The following ASTN2 variants were observed in gnomAD, a reference collection of about 807,000 sequenced individuals.
ASTN2 encodes the protein astrotactin-2.
Under a neutral mutation model 139.8 loss-of-function variants are expected in ASTN2, and 54 were observed. The ratio of observed to expected loss-of-function variants is 0.39; its 90% confidence interval spans 0.31 to 0.48. The LOEUF (loss-of-function observed/expected upper bound fraction) is 0.48, where lower values mean the gene tolerates loss of function less well. Ranked by LOEUF, ASTN2 falls within the 20% of genes least tolerant of loss-of-function variation. ASTN2 has a pLI of 0.95. For missense variants in ASTN2, 1,565 were observed against 1,725.1 expected (o/e 0.91, Z 1.64); for synonymous variants, 756 against 719.5 (o/e 1.05, Z -0.81).
chr9:116,555,247 G>A (rs548762415), intron 19 of ASTN2, among the ~76,000 whole-genome samples: 73 of 152,208 alleles, frequency 4.8e-4, no homozygotes, highest in African/African-American at 1.8e-3. Flanking sequence ...AGAGGCTGAG[G>A]GCCTATGTGT....
At chr9:116,652,056 G>A (rs2131929429) in intron 16 of ASTN2, among the ~76,000 whole-genome samples, 1 of 152,194 alleles carries the variant, frequency 6.6e-6, no homozygotes, top group East Asian at 1.9e-4. Context: ...TAAAGTTGGG[G>A]CCAGGCACAA....
At chr9:116,437,809 G>T (rs1415648537) in intron 22 of ASTN2, among the ~76,000 whole-genome samples, 1 of 152,192 alleles carries the variant, frequency 6.6e-6, no homozygotes, top group East Asian at 1.9e-4. Flanking sequence ...CCTTTCATGT[G>T]CAAGGGAGAA....
intron 6 of ASTN2, among the ~76,000 whole-genome samples, chr9:117,025,139 G>C (rs1004742348): frequency 3.3e-5 from 5 of 152,118 alleles, no homozygotes; most frequent in African/African-American, 9.7e-5. Flanking sequence ...AAGGGATTTA[G>C]GCAAAAGGAA....
chr9:116,498,011 G>A (rs1042751485), intron 19 of ASTN2, among the ~76,000 whole-genome samples: 30 of 152,134 alleles, frequency 2.0e-4, no homozygotes, highest in African/African-American at 7.0e-4. Context: ...CAAAAACCAC[G>A]AGGTTGCTGA....
At chr9:116,630,290 T>A (rs1856683210) in intron 17 of ASTN2, among the ~76,000 whole-genome samples, 1 of 152,200 alleles carries the variant, frequency 6.6e-6, no homozygotes, top group Non-Finnish European at 1.5e-5. Flanking sequence ...GCCTAAATGC[T>A]TAACCTCCAT....
chr9:116,608,597 T>A (rs1855340882), intron 19 of ASTN2, among the ~76,000 whole-genome samples: 1 of 145,744 alleles, frequency 6.9e-6, no homozygotes, highest in African/African-American at 2.6e-5. Flanking sequence ...AACAAAATAT[T>A]TTGAACAAAA....
At chr9:116,737,565 G>T (rs1301808589) in intron 13 of ASTN2, among the ~76,000 whole-genome samples, 1 of 139,266 alleles carries the variant, frequency 7.2e-6, no homozygotes, top group African/African-American at 2.7e-5. Context: ...TTTATTTATT[G>T]ATTATATCTG....
At chr9:117,328,569 G>A (rs568451564) in intron 1 of ASTN2, among the ~76,000 whole-genome samples, 6 of 152,184 alleles carry the variant, frequency 3.9e-5, no homozygotes, top group African/African-American at 1.4e-4. Flanking sequence ...TGCTATATGC[G>A]GTGGAAAAGC....
At chr9:117,392,184 A>C (rs1196804341) in intron 1 of ASTN2, among the ~76,000 whole-genome samples, 1 of 152,244 alleles carries the variant, frequency 6.6e-6, no homozygotes, top group Non-Finnish European at 1.5e-5. Flanking sequence ...GAGACCAATT[A>C]GGAAACTATT....
At chr9:116,466,123 G>A (rs529287942) in intron 20 of ASTN2, among the ~76,000 whole-genome samples, 26 of 152,150 alleles carry the variant, frequency 1.7e-4, no homozygotes, top group Non-Finnish European at 2.9e-4. Context: ...TGCTGTTTGC[G>A]GGGAGGGTGG....
At chr9:117,126,058 A>C (rs564968762) in intron 4 of ASTN2, among the ~76,000 whole-genome samples, 96 of 152,324 alleles carry the variant, frequency 6.3e-4, no homozygotes, top group South Asian at 6.0e-3. Flanking sequence ...GTTAAATTGC[A>C]CAAAAGTTTA....
chr9:117,189,238 C>A (rs1831285716), intron 3 of ASTN2, among the ~76,000 whole-genome samples: 1 of 132,244 alleles, frequency 7.6e-6, no homozygotes. Context: ...GCAAATTAGT[C>A]CCTTCCAGTC....
intron 1 of ASTN2, among the ~76,000 whole-genome samples, chr9:117,394,139 C>G (rs1830613810): frequency 6.6e-6 from 1 of 152,058 alleles, no homozygotes; most frequent in Non-Finnish European, 1.5e-5. Flanking sequence ...TCAGTGCTAC[C>G]AACATTAATT....
chr9:117,326,735 G>A (rs1342664697), intron 1 of ASTN2, among the ~76,000 whole-genome samples: 2 of 152,028 alleles, frequency 1.3e-5, no homozygotes, highest in South Asian at 2.1e-4. Context: ...AAATCAGTAT[G>A]GGTGATGAAG....
intron 7 of ASTN2, among the ~76,000 whole-genome samples, chr9:117,005,208 C>CG (rs1490758575): frequency 2.4e-4 from 1 of 4,204 alleles, no homozygotes; most frequent in African/African-American, 2.4e-4. Flanking sequence ...GCCTCAACCT[C>CG]TGAGTAGCTA....
At chr9:117,275,418 G>T (rs1280228849) in intron 2 of ASTN2, among the ~76,000 whole-genome samples, 1 of 152,114 alleles carries the variant, frequency 6.6e-6, no homozygotes, top group East Asian at 1.9e-4. Flanking sequence ...AGTTCTGGAG[G>T]CTGGAAGTCT....
At chr9:117,365,317 GAAAGAA>G (rs1829812867) in intron 1 of ASTN2, among the ~76,000 whole-genome samples, 1 of 148,158 alleles carries the variant, frequency 6.7e-6, no homozygotes, top group East Asian at 2.0e-4. Flanking sequence ...GAAAGAAAAA[GAAAGAA>G]AGAAAGAAAG....
At chr9:117,132,419 T>C (rs969526793) in intron 4 of ASTN2, among the ~76,000 whole-genome samples, 12 of 103,564 alleles carry the variant, frequency 1.2e-4, no homozygotes, top group African/African-American at 4.2e-4. Context: ...ATTACCATTC[T>C]ACTGAAAGAA....
chr9:116,768,707 T>C (rs987945772), intron 13 of ASTN2, among the ~76,000 whole-genome samples: 1 of 152,146 alleles, frequency 6.6e-6, no homozygotes, highest in Non-Finnish European at 1.5e-5. Flanking sequence ...TCTTCCACCA[T>C]TTGAGGATAC....
Sources: allele counts gnomAD v4.1 joint callset (sites outside exome capture counted in the v4.1 genomes callset), GRCh38; gene constraint gnomAD v4.1.1; transcripts MANE v1.5; gene names NCBI Gene and HGNC (gene_info 2026-07-23, HGNC 2026-07-21).